The following TMEM131L variants were observed in gnomAD, a reference collection of about 807,000 sequenced individuals.
The protein encoded by TMEM131L is transmembrane 131 like.
In TMEM131L, 54 loss-of-function variants were observed where a neutral mutation model predicts 192.2. The ratio of observed to expected loss-of-function variants is 0.28; its 90% CI spans 0.23 to 0.35. The LOEUF (loss-of-function observed/expected upper bound fraction) is 0.35. Ranked by LOEUF, TMEM131L falls within the 10% of genes least tolerant of loss-of-function variation. The pLI is 1.00. For missense variants in TMEM131L, 1,888 were observed against 1,972.9 expected (o/e 0.96, Z 0.82); for synonymous variants, 701 against 704.9 (o/e 0.99, Z 0.09).
chr4:153,513,111 T>C (rs1734474642), intron 3 of TMEM131L, among the ~76,000 whole-genome samples: 1 of 152,216 alleles, frequency 6.6e-6, no homozygotes, highest in African/African-American at 2.4e-5. Flanking sequence ...AGTAGAGCTC[T>C]GGAGGTAGGG....
At chr4:153,493,691 T>A (rs1224220606) in intron 3 of TMEM131L, among the ~76,000 whole-genome samples, 1 of 151,958 alleles carries the variant, frequency 6.6e-6, no homozygotes, top group African/African-American at 2.4e-5. Context: ...AGCCAGACCG[T>A]CTGGGTTTGA....
intron 4 of TMEM131L, among the ~76,000 whole-genome samples, chr4:153,552,945 G>GT (rs796400357): frequency 1.2e-3 from 85 of 69,096 alleles, no homozygotes; most frequent in African/African-American, 2.9e-3. Flanking sequence ...TATTTTTTGT[G>GT]TTTTTTTTTT....
chr4:153,557,069 TCCTTTCC>T lies in TMEM131L; in HGVS notation c.537_543del (p.Leu180IlefsTer64), dbSNP rs1561189795. On this transcript the variant is annotated frameshift_variant, in exon 6 of 35. Transcript: ENST00000409959. LOFTEE classifies it high-confidence loss of function. The stretch of plus-strand genomic sequence containing the variant: ...TTTATTAATACCTCTTCGTATGGAG[TCCTTTCC>T]TATCATGTGAGTAACTTTTTCCTTT... 1 of 1,477,184 alleles carries T rather than the reference TCCTTTCC, an allele frequency of 6.8e-7. No homozygotes were observed. The highest frequency in any genetic ancestry group is 9.5e-7 in the Non-Finnish European group (1 of 1,057,590). The allele number at this position is 1,477,184 out of a possible 1,614,324, so 91.5% of individuals were successfully genotyped here.
At chr4:153,467,043 A>T (rs1730807239) in intron 1 of TMEM131L, among the ~76,000 whole-genome samples, 168 bp from the exon 2 acceptor site, 1 of 150,858 alleles carries the variant, frequency 6.6e-6, no homozygotes, top group South Asian at 2.1e-4. Context: ...CTCACACCCC[A>T]CCCATTGTAT....
chr4:153,574,113 G>C (rs373660728), intron 7 of TMEM131L, among the ~76,000 whole-genome samples: 1 of 146,482 alleles, frequency 6.8e-6, no homozygotes, highest in South Asian at 2.1e-4. Context: ...TCAAATCTGT[G>C]TTGGCTAAGC....
At chr4:153,585,273 G>A (rs1297074757) in intron 12 of TMEM131L, among the ~76,000 whole-genome samples, 185 bp from the exon 13 acceptor site, 1 of 152,160 alleles carries the variant, frequency 6.6e-6, no homozygotes, top group Non-Finnish European at 1.5e-5. Flanking sequence ...GCTTCCCCTC[G>A]GGCTTCCAGT....
intron 1 of TMEM131L, 78 bp from the exon 2 acceptor site, chr4:153,467,133 G>C (rs975500321): frequency 7.2e-7 from 1 of 1,386,852 alleles, no homozygotes; most frequent in African/African-American, 1.4e-5. Flanking sequence ...CGGGGGGCAC[G>C]GAGGGACGGT....
At chr4:153,487,633 C>G (rs1343422387) in intron 3 of TMEM131L, among the ~76,000 whole-genome samples, 1 of 151,850 alleles carries the variant, frequency 6.6e-6, no homozygotes, top group Non-Finnish European at 1.5e-5. Context: ...ACTCACAGCA[C>G]AGGGTGGTAT....
chr4:153,473,706 T>C lies in TMEM131L; in HGVS notation c.196-139T>C, dbSNP rs188152608. 635 of 586,302 alleles carry C rather than the reference T, an allele frequency of 1.1e-3. 6 individuals carry two copies. In the East Asian group the frequency reaches 0.022, roughly 20 times the overall value. The allele number at this position is 586,302 out of a possible 1,614,324, so 36.3% of individuals were successfully genotyped here. A position where few individuals can be genotyped will look rare whatever the true frequency, so the allele number is the denominator to read the frequency against. On this transcript the variant is annotated intron_variant, in intron 2 of 34. Transcript: ENST00000409959. The stretch of plus-strand genomic sequence containing the variant: ...ACTTGGGAGGCTGAGGCAGGAGAAT[T>C]GCTTGAACCCAGGAGGCGGAGGTTG...
chr4:153,603,755 T>C, intron 24 of TMEM131L, 47 bp from the exon 25 acceptor site: 1 of 1,528,866 alleles, frequency 6.5e-7, no homozygotes. Flanking sequence ...CAAGTAGAGT[T>C]TGATTTGATT....
intron 3 of TMEM131L, among the ~76,000 whole-genome samples, chr4:153,520,287 T>G (rs1346413725): frequency 6.6e-6 from 1 of 151,870 alleles, no homozygotes; most frequent in Non-Finnish European, 1.5e-5. Flanking sequence ...AGACCCCACC[T>G]CTGCGTTAAA....
In TMEM131L at chr4:153,555,211, A is replaced by G. The variant is rs1182524091; in HGVS notation, c.309-576A>G. Among the ~76,000 whole-genome samples, 1 of 152,172 alleles carries G rather than the reference A, an allele frequency of 6.6e-6. No homozygotes were observed. Among genetic ancestry groups the G allele is most frequent in the Non-Finnish European group, 1.5e-5 (1 of 68,030 alleles). The stretch of plus-strand genomic sequence containing the variant: ...AGCCATAATTAAGTTTTCCTTTTCT[A>G]AGACCTAATAAAATAACATCTCTTT... On this transcript the variant is annotated intron_variant, in intron 4 of 34. Coordinates refer to ENST00000409959, the MANE Select transcript of TMEM131L (RefSeq NM_001131007.2). This position sits in a 1 kb window ranked among gnomAD's most constrained non-coding sequence, Gnocchi z 4.1.
At chr4:153,551,697 A>T (rs1737634647) in intron 4 of TMEM131L, among the ~76,000 whole-genome samples, 1 of 152,134 alleles carries the variant, frequency 6.6e-6, no homozygotes, top group Admixed American at 6.5e-5. Context: ...CTTTTTAGAA[A>T]AAGATTCTAT....
At chr4:153,581,589 A>C (rs79899824) in intron 9 of TMEM131L, 29 bp downstream of exon 9, 120,448 of 1,456,988 alleles carry the variant, frequency 0.083, 5,684 homozygotes, top group Middle Eastern at 0.1. Context: ...AAATTTTATT[A>C]TATTTTCATC....
chr4:153,615,860 G>A (rs952065431), intron 26 of TMEM131L, among the ~76,000 whole-genome samples: 10 of 152,116 alleles, frequency 6.6e-5, no homozygotes, highest in Admixed American at 5.2e-4. Context: ...GGGTGCCATC[G>A]CCTATTTCAA....
At chr4:153,598,768 T>C in intron 21 of TMEM131L, 36 bp downstream of exon 21, 2 of 1,502,898 alleles carry the variant, frequency 1.3e-6, no homozygotes, top group Non-Finnish European at 1.8e-6. Context: ...ACAGGGGAGG[T>C]TGGCATTAAA....
intron 3 of TMEM131L, among the ~76,000 whole-genome samples, chr4:153,517,898 T>G (rs1162623400): frequency 6.6e-6 from 1 of 152,206 alleles, no homozygotes; most frequent in Non-Finnish European, 1.5e-5. Context: ...GTTTAAAGCC[T>G]TTAGACTGAG....
chr4:153,483,544 C>CA (rs200271979), intron 3 of TMEM131L, among the ~76,000 whole-genome samples: 16 of 150,654 alleles, frequency 1.1e-4, no homozygotes, highest in African/African-American at 3.4e-4. Flanking sequence ...AAAAACAAAA[C>CA]AAAAAAAAAG....
intron 21 of TMEM131L, 93 bp from the exon 22 acceptor site, chr4:153,602,059 T>G: frequency 1.3e-6 from 1 of 746,824 alleles, no homozygotes; most frequent in Non-Finnish European, 2.0e-6. Flanking sequence ...TAGATCATGG[T>G]TTGGTTTATT....
Sources: gnomAD v4.1 joint callset for allele counts (sites outside exome capture counted in the v4.1 genomes callset) on GRCh38, gnomAD v4.1.1 for gene constraint, Gnocchi (gnomAD v3.1) non-coding constraint, MANE v1.5 for transcripts, NCBI Gene and HGNC (gene_info 2026-07-23, HGNC 2026-07-21) for gene names.